The following STK32A variants were observed in gnomAD, a reference collection of about 807,000 sequenced individuals.
STK32A encodes serine/threonine kinase 32A.
In STK32A, 41 loss-of-function variants were observed where a neutral mutation model predicts 53.2. The observed-to-expected ratio is 0.77, with a 90% CI of 0.60 to 1.00. The LOEUF (loss-of-function observed/expected upper bound fraction) is 1.00, where lower values mean the gene tolerates loss of function less well. Ranked by LOEUF, STK32A falls within the 50% of genes least tolerant of loss-of-function variation. The probability of loss-of-function intolerance (pLI) is 0.00; values close to 1 mark genes in which losing one functional copy is unlikely to be tolerated. For synonymous variants in STK32A, 166 were observed against 162.8 expected (o/e 1.02, Z -0.15); for missense variants, 458 against 485.8 (o/e 0.94, Z 0.54).
chr5:147,248,479 A>G (rs1241768711), intron 2 of STK32A, among the ~76,000 whole-genome samples: 4 of 152,198 alleles, frequency 2.6e-5, no homozygotes, highest in African/African-American at 4.8e-5. Flanking sequence ...CCTAAATTCA[A>G]TTAAATGGTT....
the STK32A span, chr5:147,395,692 G>T: frequency 1.2e-6 from 2 of 1,614,048 alleles, no homozygotes; most frequent in Non-Finnish European, 1.7e-6. Context: ...CATCGTACAT[G>T]CCCCTTGGGA....
intron 2 of STK32A, among the ~76,000 whole-genome samples, chr5:147,268,155 CTACTT>C (rs1754889114): frequency 6.6e-6 from 1 of 152,096 alleles, no homozygotes; most frequent in South Asian, 2.1e-4. Flanking sequence ...TACATATACA[CTACTT>C]TATATTGCAG....
At chr5:147,362,892 G>A (rs905710347) in intron 8 of STK32A, among the ~76,000 whole-genome samples, 3 of 152,032 alleles carry the variant, frequency 2.0e-5, no homozygotes, top group African/African-American at 7.2e-5. Context: ...AGACCAGCCT[G>A]GGCCACATGG....
chr5:147,269,516 C>G (rs569196278), intron 2 of STK32A, among the ~76,000 whole-genome samples: 1 of 152,166 alleles, frequency 6.6e-6, no homozygotes, highest in Non-Finnish European at 1.5e-5. Context: ...GTTTCCATGT[C>G]GAATTGACTT....
intron 5 of STK32A, among the ~76,000 whole-genome samples, chr5:147,327,477 T>C (rs1040968603): frequency 3.3e-5 from 5 of 152,220 alleles, no homozygotes; most frequent in African/African-American, 1.2e-4. Context: ...ACTGAAGATA[T>C]AAAATATGTG....
chr5:147,251,154 G>A (rs532727454), intron 2 of STK32A, among the ~76,000 whole-genome samples: 1 of 152,200 alleles, frequency 6.6e-6, no homozygotes, highest in Admixed American at 6.5e-5. Context: ...TGGCTCATCA[G>A]CATGGAGCAG....
At chr5:147,269,499 T>C (rs1023343051) in intron 2 of STK32A, among the ~76,000 whole-genome samples, 5 of 152,200 alleles carry the variant, frequency 3.3e-5, no homozygotes, top group African/African-American at 1.2e-4. Context: ...GCAACCAAAC[T>C]GTAACTGTTT....
chr5:147,268,249 A>C (rs1219914529), intron 2 of STK32A, among the ~76,000 whole-genome samples: 1 of 152,162 alleles, frequency 6.6e-6, no homozygotes, highest in African/African-American at 2.4e-5. Context: ...TGATAATCCA[A>C]TGCAGAGATA....
rs1387643223 is a variant in STK32A at position 147,346,428 on chromosome 5, T to C, written c.472+3385T>C. ...CTGCTTACATTTTTATGCAACACGATTCAGTAACAGGCAGAAACTTTTATT... is the reference window on the plus strand; with the variant it reads ...CTGCTTACATTTTTATGCAACACGACTCAGTAACAGGCAGAAACTTTTATT... On this transcript the variant is annotated intron_variant, in intron 6 of 12. Transcript: ENST00000397936. Among the ~76,000 whole-genome samples, 3 of 152,228 alleles carry C rather than the reference T, an allele frequency of 2.0e-5. No individual in the cohort carries two copies. In the East Asian group the frequency reaches 5.8e-4, roughly 29 times the overall value.
intron 8 of STK32A, among the ~76,000 whole-genome samples, chr5:147,363,884 G>C (rs1036184370): frequency 1.1e-4 from 16 of 152,104 alleles, no homozygotes; most frequent in Admixed American, 8.5e-4. Flanking sequence ...TAAGCAGACA[G>C]AAGGAACCAA....
intron 4 of STK32A, among the ~76,000 whole-genome samples, chr5:147,296,718 ATAT>A (rs1373651834): frequency 6.6e-6 from 1 of 151,914 alleles, no homozygotes; most frequent in Admixed American, 6.6e-5. Context: ...CTGCAACCAA[ATAT>A]TATTTGAGAG....
At chr5:147,318,102 TTG>T (rs560753543) in intron 4 of STK32A, among the ~76,000 whole-genome samples, 77 of 152,308 alleles carry the variant, frequency 5.1e-4, no homozygotes, top group African/African-American at 1.7e-3. Context: ...CCTTTTGTGT[TTG>T]TGTGTTTATA....
chr5:147,246,464 T>C (rs1031732772), intron 2 of STK32A, among the ~76,000 whole-genome samples: 1 of 152,210 alleles, frequency 6.6e-6, no homozygotes, highest in Admixed American at 6.5e-5. Context: ...TGTTAGCATA[T>C]TAAAGTCTCT....
At chr5:147,351,226 G>C in intron 7 of STK32A, 72 bp downstream of exon 7, 1 of 1,322,874 alleles carries the variant, frequency 7.6e-7, no homozygotes, top group Non-Finnish European at 1.1e-6. Flanking sequence ...AATCATCTGT[G>C]GGGATTTGCA....
chr5:147,336,532 T>C (rs377411436), intron 5 of STK32A, among the ~76,000 whole-genome samples: 27 of 152,306 alleles, frequency 1.8e-4, no homozygotes, highest in Admixed American at 5.2e-4. Context: ...TGGAATACTA[T>C]ATATGCCCAC....
intron 2 of STK32A, chr5:147,240,277 T>G (rs769092531): frequency 6.6e-6 from 1 of 152,390 alleles, no homozygotes; most frequent in Non-Finnish European, 1.5e-5. Context: ...GGGCAATGCC[T>G]CCTCATGTCC....
At chr5:147,351,673 C>T (rs886639484) in intron 7 of STK32A, among the ~76,000 whole-genome samples, 3 of 152,092 alleles carry the variant, frequency 2.0e-5, no homozygotes, top group African/African-American at 7.2e-5. Context: ...ATGGTGAAAC[C>T]CTGTCTCTAC....
intron 4 of STK32A, among the ~76,000 whole-genome samples, chr5:147,289,297 G>C (rs527966536): frequency 6.6e-4 from 100 of 152,176 alleles, no homozygotes; most frequent in African/African-American, 2.2e-3. Flanking sequence ...AGCATTAAAA[G>C]CTTAAGAAGC....
At chr5:147,330,427 G>A (rs906007076) in intron 5 of STK32A, among the ~76,000 whole-genome samples, 2 of 152,238 alleles carry the variant, frequency 1.3e-5, no homozygotes, top group East Asian at 3.9e-4. Flanking sequence ...ATGTAATGTC[G>A]GTTAGAAACA....
Sources: allele counts gnomAD v4.1 joint callset (sites outside exome capture counted in the v4.1 genomes callset), GRCh38; gene constraint gnomAD v4.1.1; transcripts MANE v1.5; gene names NCBI Gene and HGNC (gene_info 2026-07-23, HGNC 2026-07-21).